The following ZNF462 variants were observed in gnomAD, a reference collection of about 807,000 sequenced individuals.
The protein encoded by ZNF462 is zinc finger protein 462.
Under a neutral mutation model 201.9 loss-of-function variants are expected in ZNF462, and 10 were observed. The observed-to-expected ratio is 0.05, with a 90% CI of 0.03 to 0.08. The LOEUF (loss-of-function observed/expected upper bound fraction) is 0.08. Ranked by LOEUF, ZNF462 falls within the 10% of genes least tolerant of loss-of-function variation. ZNF462 has a pLI of 1.00. For synonymous variants in ZNF462, 1,227 were observed against 1,193.3 expected (o/e 1.03, Z -0.58); for missense variants, 2,523 against 3,168.3 (o/e 0.80, Z 4.89).
At chr9:106,948,357 A>G (rs1831197771) in intron 7 of ZNF462, among the ~76,000 whole-genome samples, 1 of 152,200 alleles carries the variant, frequency 6.6e-6, no homozygotes, top group Non-Finnish European at 1.5e-5. Flanking sequence ...GTGCCAGGGT[A>G]CATTTGAGCT....
At position 106,950,858 on chromosome 9, in the gene ZNF462, G is replaced by A. The variant is rs911458356; in HGVS notation, c.6427+11751G>A. Reference sequence around the variant, plus strand: ...TAATCTCAGCACTTTGGGAGGCCAAGGCAGGCGGATTGCCTGAAGTCAGGA... The same window carrying A: ...TAATCTCAGCACTTTGGGAGGCCAAAGCAGGCGGATTGCCTGAAGTCAGGA... On this transcript the variant is annotated intron_variant, in intron 7 of 12. Transcript: ENST00000277225. This position sits in a 1 kb window ranked among gnomAD's most constrained non-coding sequence, Gnocchi z 4.1. Among the ~76,000 whole-genome samples the A allele has an allele frequency of 6.6e-6, 1 of 152,190 alleles. No homozygotes were observed. The highest frequency in any genetic ancestry group is 2.4e-5 in the African/African-American group (1 of 41,446).
Position 106,886,721 on chromosome 9 carries a change from G to T in ZNF462, c.-31+23366G>T, listed in dbSNP as rs1056930734. Among the ~76,000 whole-genome samples, 1 of 152,170 alleles carries T rather than the reference G, an allele frequency of 6.6e-6. No homozygotes were observed. Among genetic ancestry groups the T allele is most frequent in the African/African-American group, 2.4e-5 (1 of 41,444 alleles). ...TGTAGGAAGTTAGTTAAGGAAGCCTGAAATGGAATATCAGTTTTCTGCCCT... is the reference window on the plus strand; with the variant it reads ...TGTAGGAAGTTAGTTAAGGAAGCCTTAAATGGAATATCAGTTTTCTGCCCT... On this transcript the variant is annotated intron_variant, in intron 1 of 12. Transcript: ENST00000277225. This position sits in a 1 kb window ranked among gnomAD's most constrained non-coding sequence, Gnocchi z 4.6.
At chr9:106,894,730 G>A (rs1353247711) in intron 1 of ZNF462, among the ~76,000 whole-genome samples, 1 of 152,200 alleles carries the variant, frequency 6.6e-6, no homozygotes, top group East Asian at 1.9e-4. Flanking sequence ...CCTTGAAACA[G>A]TGCCTGATCC....
At position 106,932,357 on chromosome 9, in the gene ZNF462, A is replaced by G; in HGVS notation, c.6013-89A>G. The G allele has an allele frequency of 6.3e-7, 1 of 1,591,580 alleles. No homozygotes were observed. Among genetic ancestry groups the G allele is most frequent in the East Asian group, 2.3e-5 (1 of 43,426 alleles). On this transcript the variant is annotated intron_variant, in intron 4 of 12. Transcript: ENST00000277225. The surrounding 1 kb of genome is among the most constrained non-coding windows in gnomAD (Gnocchi z 6.8). ...CTGGTGGGCCGGGTGGATGGTGAAC[A>G]CTGCTTGCTTGATGGAATGTTGGAG... is the stretch of plus-strand genomic sequence containing the variant.
At position 106,932,296 on chromosome 9, in the gene ZNF462, G is replaced by A; in HGVS notation, c.6013-150G>A. The A allele has an allele frequency of 6.4e-7, 1 of 1,552,154 alleles. No homozygotes were observed. The highest frequency in any genetic ancestry group is 1.4e-5 in the African/African-American group (1 of 73,214). On this transcript the variant is annotated intron_variant, in intron 4 of 12. Coordinates refer to ENST00000277225, the MANE Select transcript of ZNF462 (RefSeq NM_021224.6). This position sits in a 1 kb window ranked among gnomAD's most constrained non-coding sequence, Gnocchi z 6.8. Reference sequence around the variant, plus strand: ...GGATGACCCTGCCCACTTGTTCCTGGATGGATTGGAAGCAGCCAAAGACGC... The same window carrying A: ...GGATGACCCTGCCCACTTGTTCCTGAATGGATTGGAAGCAGCCAAAGACGC...
rs1830175677 is a variant in ZNF462, at chr9:106,925,921, A to G, written c.2009A>G (p.Asn670Ser). Residue 670 changes from asparagine to serine, a missense_variant, in exon 3 of 13, where the codon AAT becomes AGT. Physicochemically the swap from Asn to Ser is conservative, Grantham distance 46. Coordinates refer to ENST00000277225, the MANE Select transcript of ZNF462 (RefSeq NM_021224.6). The surrounding 1 kb of genome is among the most constrained non-coding windows in gnomAD (Gnocchi z 7.9). ...TSILGLSSKN[N>S]FVAKASRKLA... is the part of the protein sequence containing the mutation. ...ATTCTTGGGTTGTCCTCCAAGAACA[A>G]TTTTGTAGCTAAAGCCTCTAGGAAG... 2 of 1,614,060 alleles carry G rather than the reference A, an allele frequency of 1.2e-6. No individual in the cohort carries two copies. The highest frequency in any genetic ancestry group is 1.7e-5 in the Admixed American group (1 of 60,008).
Position 106,974,295 on chromosome 9 carries a change from T to C in ZNF462, c.6832+22T>C, listed in dbSNP as rs1180827492. ...CGAGGTAACCTTTCTAACTTGGTTTTCTTGGATGCAGCGGGGGGCAGGCAG... is the reference window on the plus strand; with the variant it reads ...CGAGGTAACCTTTCTAACTTGGTTTCCTTGGATGCAGCGGGGGGCAGGCAG... On this transcript the variant is annotated intron_variant, in intron 9 of 12. Coordinates refer to ENST00000277225, the MANE Select transcript of ZNF462 (RefSeq NM_021224.6). The surrounding 1 kb of genome is among the most constrained non-coding windows in gnomAD (Gnocchi z 4.0). The C allele has an allele frequency of 6.2e-7, 1 of 1,614,072 alleles. No homozygotes were observed. Among genetic ancestry groups the C allele is most frequent in the Admixed American group, 1.7e-5 (1 of 60,016 alleles).
At chr9:106,910,562 G>T (rs1829507859) in intron 1 of ZNF462, among the ~76,000 whole-genome samples, 1 of 151,866 alleles carries the variant, frequency 6.6e-6, no homozygotes, top group African/African-American at 2.4e-5. Flanking sequence ...GTTTAAAAGG[G>T]TTCTGGCTAG....
chr9:106,875,428 A>G (rs1213981046), intron 1 of ZNF462, among the ~76,000 whole-genome samples: 1 of 152,212 alleles, frequency 6.6e-6, no homozygotes, highest in East Asian at 1.9e-4. Flanking sequence ...AATATGATTC[A>G]TTTGAATAGA....
At chr9:106,921,256 T>C (rs1270142109) in intron 1 of ZNF462, among the ~76,000 whole-genome samples, 1 of 152,196 alleles carries the variant, frequency 6.6e-6, no homozygotes, top group East Asian at 1.9e-4. Context: ...CTGCTGGGAC[T>C]AACAAACCAG....
chr9:106,871,199 TC>T (rs1202951513), intron 1 of ZNF462, among the ~76,000 whole-genome samples: 2 of 152,244 alleles, frequency 1.3e-5, no homozygotes, highest in African/African-American at 4.8e-5. Context: ...CCATCTCATT[TC>T]TATTGCTAAT....
At chr9:106,942,876 C>G (rs1162217999) in intron 7 of ZNF462, among the ~76,000 whole-genome samples, 1 of 152,140 alleles carries the variant, frequency 6.6e-6, no homozygotes, top group East Asian at 1.9e-4. Context: ...CCATCTTTTT[C>G]CTCCCTCTAG....
In ZNF462 at chr9:107,006,371, A is replaced by T. The variant is rs1317949204; in HGVS notation, c.7189+2945A>T. ...AAACAAAACAAACAAACAAACAACA[A>T]CAAAAAATATAAACCCTGGAGACCA... On this transcript the variant is annotated intron_variant, in intron 11 of 12. Transcript: ENST00000277225. The surrounding 1 kb of genome is among the most constrained non-coding windows in gnomAD (Gnocchi z 4.3). Among the ~76,000 whole-genome samples the T allele has an allele frequency of 6.6e-6, 1 of 152,154 alleles. No homozygotes were observed. The highest frequency in any genetic ancestry group is 6.6e-5 in the Admixed American group (1 of 15,262).
chr9:106,951,026 G>C (rs1346937875), intron 7 of ZNF462, among the ~76,000 whole-genome samples: 1 of 150,790 alleles, frequency 6.6e-6, no homozygotes, highest in Non-Finnish European at 1.5e-5. Context: ...GGAGACAGAG[G>C]TTGCAGTGAG....
chr9:107,000,887 G>T (rs1172670953), intron 10 of ZNF462, among the ~76,000 whole-genome samples: 1 of 152,132 alleles, frequency 6.6e-6, no homozygotes, highest in Non-Finnish European at 1.5e-5. Flanking sequence ...AAAGAAGCAG[G>T]GGTTCCAGTG....
chr9:106,923,298 T>A lies in ZNF462; in HGVS notation c.-30-56T>A. The A allele has an allele frequency of 1.5e-6, 2 of 1,327,984 alleles. No homozygotes were observed. Among genetic ancestry groups the A allele is most frequent in the Admixed American group, 3.4e-5 (2 of 58,698 alleles). 82.3% of individuals were successfully genotyped at this position (1,327,984 alleles called of 1,614,324 possible). A position where few individuals can be genotyped will look rare whatever the true frequency, so the allele number is the denominator to read the frequency against. On this transcript the variant is annotated intron_variant, in intron 1 of 12. Transcript: ENST00000277225. This position sits in a 1 kb window ranked among gnomAD's most constrained non-coding sequence, Gnocchi z 5.6. ...TTAATGGATATATAGCCCCATCAGC[T>A]CGAGGTATGTGATTAGTGCATTCCT...
Position 106,880,660 on chromosome 9 carries a change from G to T in ZNF462, c.-31+17305G>T, listed in dbSNP as rs188683890. 5.7e-4 allele frequency among the ~76,000 whole-genome samples: 87 copies of T among 152,320 alleles called. 1 individual carries two copies. Among genetic ancestry groups the T allele is most frequent in the African/African-American group, 1.9e-3 (81 of 41,572 alleles). Reference sequence around the variant, plus strand: ...GGATATATTTTTATTAATGGTTTAAGTTGGGCCTTTTATAACTGATACTCA... The same window carrying T: ...GGATATATTTTTATTAATGGTTTAATTTGGGCCTTTTATAACTGATACTCA... On this transcript the variant is annotated intron_variant, in intron 1 of 12. Coordinates refer to ENST00000277225, the MANE Select transcript of ZNF462 (RefSeq NM_021224.6). This position sits in a 1 kb window ranked among gnomAD's most constrained non-coding sequence, Gnocchi z 4.1.
In ZNF462 at chr9:107,010,739, C is replaced by T. The variant is rs2132815019; in HGVS notation, c.7314-84C>T. On this transcript the variant is annotated intron_variant, in intron 12 of 12. Coordinates refer to ENST00000277225, the MANE Select transcript of ZNF462 (RefSeq NM_021224.6). The surrounding 1 kb of genome is among the most constrained non-coding windows in gnomAD (Gnocchi z 4.6). ...TTTGAGGATCAGGAAAATAAAGACACTCGAGGGTTTTTATTATTTTTTTGT... is the reference window on the plus strand; with the variant it reads ...TTTGAGGATCAGGAAAATAAAGACATTCGAGGGTTTTTATTATTTTTTTGT... 1.5e-6 allele frequency: 2 copies of T among 1,307,436 alleles called. No homozygotes were observed. The highest frequency in any genetic ancestry group is 5.1e-5 in the East Asian group (2 of 39,316). The allele number at this position is 1,307,436 out of a possible 1,614,324, so 81.0% of individuals were successfully genotyped here. A position where few individuals can be genotyped will look rare whatever the true frequency, so the allele number is the denominator to read the frequency against.
In ZNF462 at chr9:106,905,699, G is replaced by C. The variant is rs1052544388; in HGVS notation, c.-30-17655G>C. Among the ~76,000 whole-genome samples the C allele has an allele frequency of 6.6e-6, 1 of 152,110 alleles. No homozygotes were observed. Among genetic ancestry groups the C allele is most frequent in the African/African-American group, 2.4e-5 (1 of 41,412 alleles). ...GAGTCGTACAGGTTGTCAGGGAAGT[G>C]GGGGAAAGCCAGCAGTCATGAAGGG... On this transcript the variant is annotated intron_variant, in intron 1 of 12. Transcript: ENST00000277225. The surrounding 1 kb of genome is among the most constrained non-coding windows in gnomAD (Gnocchi z 5.9).
Sources: gnomAD v4.1 joint callset for allele counts (sites outside exome capture counted in the v4.1 genomes callset) on GRCh38, gnomAD v4.1.1 for gene constraint, Gnocchi (gnomAD v3.1) non-coding constraint, MANE v1.5 for transcripts, NCBI Gene and HGNC (gene_info 2026-07-23, HGNC 2026-07-21) for gene names.